DOCK9: variants seen among roughly 807,000 people sequenced by gnomAD.
The protein encoded by DOCK9 is dedicator of cytokinesis 9, also known as dedicator of cytokinesis protein 9.
A neutral mutation model predicts 263.3 loss-of-function variants in DOCK9; 89 were observed. That is an observed-to-expected ratio of 0.34 (90% CI 0.28 to 0.40). The LOEUF is 0.40. Among genes scored for constraint, DOCK9 ranks in the 10% least tolerant of loss-of-function variants. DOCK9 has a pLI of 1.00. For synonymous variants in DOCK9, 976 were observed against 973.1 expected (o/e 1.00, Z -0.06); for missense variants, 2,140 against 2,603.4 (o/e 0.82, Z 3.87).
intron 1 of DOCK9, among the ~76,000 whole-genome samples, chr13:99,020,987 G>T (rs1278675148): frequency 6.6e-6 from 1 of 152,196 alleles, no homozygotes; most frequent in Non-Finnish European, 1.5e-5. Context: ...CAGTCCATTT[G>T]AAAAGTTTAC....
At chr13:98,905,310 AG>A (rs2048914538) in intron 9 of DOCK9, among the ~76,000 whole-genome samples, 1 of 152,258 alleles carries the variant, frequency 6.6e-6, no homozygotes, top group Non-Finnish European at 1.5e-5. Context: ...ATGTGAATGA[AG>A]GAAGTCCCTA....
intron 1 of DOCK9, among the ~76,000 whole-genome samples, chr13:98,976,800 G>C (rs1203814074): frequency 2.0e-5 from 3 of 152,184 alleles, no homozygotes; most frequent in African/African-American, 7.2e-5. Context: ...AGTCTCACGA[G>C]TCACAAAGAA....
intron 4 of DOCK9, among the ~76,000 whole-genome samples, chr13:98,924,149 TA>T (rs2052536594): frequency 6.6e-6 from 1 of 152,060 alleles, no homozygotes; most frequent in South Asian, 2.1e-4. Context: ...TGGGAAGAAT[TA>T]AAAAATCCCT....
At chr13:98,900,214 G>A (rs911924988) in intron 13 of DOCK9, among the ~76,000 whole-genome samples, 1 of 152,200 alleles carries the variant, frequency 6.6e-6, no homozygotes, top group African/African-American at 2.4e-5. Context: ...AGTGGACATG[G>A]AGGAGTGTGC....
At chr13:98,985,761 G>T (rs758341703) in intron 1 of DOCK9, among the ~76,000 whole-genome samples, 2 of 152,178 alleles carry the variant, frequency 1.3e-5, no homozygotes, top group African/African-American at 4.8e-5. Context: ...CTTGTTTCGC[G>T]TGATCTGTAA....
intron 2 of DOCK9, among the ~76,000 whole-genome samples, chr13:98,940,092 C>T (rs765995761): frequency 5.9e-5 from 9 of 152,202 alleles, no homozygotes; most frequent in Non-Finnish European, 1.2e-4. Context: ...GAGCATATGA[C>T]TTGCTTTTTG....
chr13:99,024,344 C>G (rs1175888780), intron 1 of DOCK9, among the ~76,000 whole-genome samples: 1 of 152,198 alleles, frequency 6.6e-6, no homozygotes, highest in Non-Finnish European at 1.5e-5. Flanking sequence ...TCTTCTTGGC[C>G]TCCACCAGCC....
chr13:98,911,084 A>T lies in DOCK9; in HGVS notation c.960+3244T>A, dbSNP rs551057695. 3.3e-4 allele frequency among the ~76,000 whole-genome samples: 51 copies of T among 152,262 alleles called. 1 individual carries two copies. Among genetic ancestry groups the T allele is most frequent in the African/African-American group, 1.2e-3 (51 of 41,542 alleles). ...TCCCCTTACTGCCTGGGCTGCTCAC[A>T]CTGACACCAAGCTGGGCTTTAAAAG... On this transcript the variant is annotated intron_variant, in intron 9 of 52. Coordinates refer to ENST00000682017, the MANE Select transcript of DOCK9 (RefSeq NM_001366683.2).
chr13:98,814,811 C>CA, intron 45 of DOCK9, among the ~76,000 whole-genome samples: 1 of 152,094 alleles, frequency 6.6e-6, no homozygotes, highest in Admixed American at 6.5e-5. Context: ...CATGGTAGTG[C>CA]ATGCCTGTAG....
At chr13:98,887,772 T>G (rs377732596) in intron 18 of DOCK9, among the ~76,000 whole-genome samples, 2 of 152,092 alleles carry the variant, frequency 1.3e-5, no homozygotes, top group Non-Finnish European at 2.9e-5. Flanking sequence ...ATTATTACTA[T>G]ACTGTAGTAA....
Position 98,804,998 on chromosome 13 carries a change from C to T in DOCK9, c.5725+1G>A. ...GTCCATGCGGCTTCTGGGGCCCATA[C>T]CTGTCAGGATGGTGCGCCGTTTGCA... On this transcript the variant is annotated splice_donor_variant, in intron 49 of 52. Transcript: ENST00000682017. LOFTEE classifies it high-confidence loss of function. 1 of 1,597,912 alleles carries T rather than the reference C, an allele frequency of 6.3e-7. No homozygotes were observed. Among genetic ancestry groups the T allele is most frequent in the Non-Finnish European group, 8.5e-7 (1 of 1,172,350 alleles).
At chr13:99,073,114 C>T (rs917714427) in intron 1 of DOCK9, among the ~76,000 whole-genome samples, 2 of 152,124 alleles carry the variant, frequency 1.3e-5, no homozygotes, top group Admixed American at 6.5e-5. Context: ...TTGTTGCCAC[C>T]GGCCAGACCA....
chr13:99,071,306 C>CTTTTTTTTTT lies in DOCK9; in HGVS notation c.129+14907_129+14916dup, dbSNP rs71114578. On this transcript the variant is annotated intron_variant, in intron 1 of 32. Coordinates refer to the DOCK9 transcript ENST00000427887. The stretch of plus-strand genomic sequence containing the variant: ...TACAGGTGCTTGCCACCATGCCTGG[C>CTTTTTTTTTT]TTTTTTTTTTTTTTTTTTTTTTTTT... Among the ~76,000 whole-genome samples, 19 of 49,330 alleles carry CTTTTTTTTTT rather than the reference C, an allele frequency of 3.9e-4. 1 individual carries two copies. The highest frequency in any genetic ancestry group is 5.4e-4 in the African/African-American group (5 of 9,182). 32.4% of individuals were successfully genotyped at this position (49,330 alleles called of 152,430 possible). A position where few individuals can be genotyped will look rare whatever the true frequency, so the allele number is the denominator to read the frequency against.
intron 1 of DOCK9, among the ~76,000 whole-genome samples, chr13:99,021,603 C>T (rs546170734): frequency 6.9e-6 from 1 of 145,642 alleles, no homozygotes; most frequent in Admixed American, 7.0e-5. Flanking sequence ...CGCGCTACTG[C>T]ACTCCAGCCT....
intron 1 of DOCK9, among the ~76,000 whole-genome samples, chr13:99,077,378 G>A (rs904775727): frequency 2.6e-5 from 4 of 152,092 alleles, no homozygotes; most frequent in Non-Finnish European, 5.9e-5. Flanking sequence ...GTTTAAAAGT[G>A]TGTAGCACCT....
At chr13:98,988,567 C>T (rs768887529) in intron 1 of DOCK9, among the ~76,000 whole-genome samples, 3 of 152,152 alleles carry the variant, frequency 2.0e-5, no homozygotes, top group Non-Finnish European at 4.4e-5. Flanking sequence ...TTTTACATTC[C>T]TTGACCAGAC....
intron 1 of DOCK9, among the ~76,000 whole-genome samples, chr13:98,983,474 A>G (rs1877706688): frequency 6.6e-6 from 1 of 152,168 alleles, no homozygotes; most frequent in South Asian, 2.1e-4. Flanking sequence ...AGAAAGCTAC[A>G]TACAGCAAGA....
chr13:98,978,686 C>T (rs903142036), upstream of DOCK9, among the ~76,000 whole-genome samples: 1 of 152,148 alleles, frequency 6.6e-6, no homozygotes, highest in African/African-American at 2.4e-5. Context: ...ACCCCCAGTA[C>T]TAGGTGCTGA....
intron 4 of DOCK9, 23 bp downstream of exon 4, chr13:98,925,814 T>C (rs2052850751): frequency 6.7e-7 from 1 of 1,490,570 alleles, no homozygotes; most frequent in African/African-American, 1.4e-5. Flanking sequence ...CTTTTCCCTA[T>C]GTGTATAATA....
Sources: allele counts gnomAD v4.1 joint callset (sites outside exome capture counted in the v4.1 genomes callset), GRCh38; gene constraint gnomAD v4.1.1; transcripts MANE v1.5; gene names NCBI Gene and HGNC (gene_info 2026-07-23, HGNC 2026-07-21).